Variants in B3GALT1 observed in about 807,000 individuals in gnomAD.
B3GALT1 encodes the protein UDP-Gal:betaGlcNAc beta 1,3-galactosyltransferase, polypeptide 1.
Under a neutral mutation model 23.2 loss-of-function variants are expected in B3GALT1, and 10 were observed. The ratio of observed to expected loss-of-function variants is 0.43; its 90% confidence interval spans 0.27 to 0.73. The LOEUF (loss-of-function observed/expected upper bound fraction) is 0.73, where lower values mean the gene tolerates loss of function less well. Ranked by LOEUF, B3GALT1 falls within the 30% of genes least tolerant of loss-of-function variation. The probability of loss-of-function intolerance (pLI) is 0.21; values close to 1 mark genes in which losing one functional copy is unlikely to be tolerated. For synonymous variants in B3GALT1, 156 were observed against 141.5 expected (o/e 1.10, Z -0.73); for missense variants, 299 against 405.4 (o/e 0.74, Z 2.25).
chr2:167,348,943 T>C (rs1697265717), intron 1 of B3GALT1, among the ~76,000 whole-genome samples: 2 of 152,172 alleles, frequency 1.3e-5, no homozygotes, highest in East Asian at 1.9e-4. Flanking sequence ...TAATCTTTTG[T>C]GTAATTGCAG....
intron 3 of B3GALT1, among the ~76,000 whole-genome samples, chr2:167,663,260 T>G (rs936688666): frequency 6.6e-6 from 1 of 152,098 alleles, no homozygotes; most frequent in Non-Finnish European, 1.5e-5. Flanking sequence ...ATTTCCAATT[T>G]CATCCATGTC....
chr2:167,630,993 A>G (rs1685430036), intron 2 of B3GALT1, among the ~76,000 whole-genome samples: 1 of 129,692 alleles, frequency 7.7e-6, no homozygotes, highest in South Asian at 2.8e-4. Flanking sequence ...TTTTCAGAAG[A>G]GGAACTAGGA....
chr2:167,676,254 C>CT (rs1389333914), intron 3 of B3GALT1, among the ~76,000 whole-genome samples: 1 of 152,016 alleles, frequency 6.6e-6, no homozygotes, highest in Non-Finnish European at 1.5e-5. Context: ...TCATAAATAA[C>CT]TTTTTTATCC....
At chr2:167,660,717 C>A (rs1442978400) in intron 3 of B3GALT1, among the ~76,000 whole-genome samples, 1 of 152,046 alleles carries the variant, frequency 6.6e-6, no homozygotes, top group Non-Finnish European at 1.5e-5. Context: ...TTAGGTAATC[C>A]TCCTTATTTT....
intron 2 of B3GALT1, among the ~76,000 whole-genome samples, chr2:167,598,751 A>G (rs1684825534): frequency 6.6e-6 from 1 of 152,156 alleles, no homozygotes; most frequent in African/African-American, 2.4e-5. Context: ...GGTGTTTGTT[A>G]CATATATAAT....
intron 3 of B3GALT1, among the ~76,000 whole-genome samples, chr2:167,766,510 G>A (rs1224129555): frequency 1.3e-5 from 2 of 152,070 alleles, no homozygotes; most frequent in African/African-American, 2.4e-5. Context: ...TTTATTCCAC[G>A]CCTAAAGAAC....
intron 3 of B3GALT1, among the ~76,000 whole-genome samples, chr2:167,807,279 C>G (rs547192123): frequency 6.6e-6 from 1 of 151,938 alleles, no homozygotes; most frequent in Non-Finnish European, 1.5e-5. Flanking sequence ...CTGGATTCAT[C>G]GAATTTTTGA....
At chr2:167,308,542 C>T (rs957456129) in intron 1 of B3GALT1, among the ~76,000 whole-genome samples, 1 of 152,018 alleles carries the variant, frequency 6.6e-6, no homozygotes, top group African/African-American at 2.4e-5. Flanking sequence ...GTGAAAATCC[C>T]TCCAATAAGA....
chr2:167,778,523 C>G (rs1012183857), intron 3 of B3GALT1, among the ~76,000 whole-genome samples: 1 of 152,082 alleles, frequency 6.6e-6, no homozygotes, highest in Non-Finnish European at 1.5e-5. Flanking sequence ...TAGAGATATA[C>G]CTACAATTAC....
intron 1 of B3GALT1, among the ~76,000 whole-genome samples, chr2:167,468,120 A>G (rs1196993256): frequency 6.6e-6 from 1 of 152,170 alleles, no homozygotes; most frequent in East Asian, 1.9e-4. Context: ...GAGTGATACC[A>G]ATTTTGGAAA....
At chr2:167,331,355 G>GGCA (rs1696970089) in intron 1 of B3GALT1, among the ~76,000 whole-genome samples, 1 of 152,188 alleles carries the variant, frequency 6.6e-6, no homozygotes, top group Non-Finnish European at 1.5e-5. Context: ...TGGGGATGAT[G>GGCA]GCAGCAGTGG....
At chr2:167,426,204 C>T (rs1454700090) in intron 1 of B3GALT1, among the ~76,000 whole-genome samples, 1 of 151,680 alleles carries the variant, frequency 6.6e-6, no homozygotes, top group African/African-American at 2.4e-5. Context: ...AAATTTTGTT[C>T]ATAGTTCATT....
rs780633672 is a variant in B3GALT1 at position 167,580,517 on chromosome 2, A to G, written c.-409-66392A>G. 4.6e-5 allele frequency among the ~76,000 whole-genome samples: 7 copies of G among 152,136 alleles called. No homozygotes were observed. The East Asian group carries it at 7.7e-4, about 17-fold the overall frequency. On this transcript the variant is annotated intron_variant, in intron 2 of 4. Coordinates refer to ENST00000392690, the MANE Select transcript of B3GALT1 (RefSeq NM_020981.4). ...TAAGGAGAAAATCATTTTAGCCCCA[A>G]TGAGAAACTGTATCTAACTTCACAA...
intron 2 of B3GALT1, among the ~76,000 whole-genome samples, chr2:167,634,224 C>A (rs909328562): frequency 6.6e-6 from 1 of 152,106 alleles, no homozygotes; most frequent in African/African-American, 2.4e-5. Context: ...GTTTATATCA[C>A]TAAATGCCCA....
intron 1 of B3GALT1, among the ~76,000 whole-genome samples, chr2:167,397,646 A>G (rs1328825156): frequency 6.6e-6 from 1 of 152,186 alleles, no homozygotes; most frequent in African/African-American, 2.4e-5. Context: ...CGAATTATTA[A>G]GAAATCTATT....
In B3GALT1 at chr2:167,516,774, C is replaced by T. The variant is rs186865866; in HGVS notation, c.-410+26497C>T. On this transcript the variant is annotated intron_variant, in intron 2 of 4. Coordinates refer to ENST00000392690, the MANE Select transcript of B3GALT1 (RefSeq NM_020981.4). ...TTTTTCCTATCATAGCCTTATGAAA[C>T]CAGTACAAACACATGTAATGCTGCA... Among the ~76,000 whole-genome samples the T allele has an allele frequency of 2.3e-3, 354 of 151,996 alleles. 2 individuals carry two copies. The highest frequency in any genetic ancestry group is 4.4e-3 in the Non-Finnish European group (302 of 67,894).
intron 2 of B3GALT1, among the ~76,000 whole-genome samples, chr2:167,553,285 GT>G (rs937279070): frequency 2.0e-5 from 3 of 152,126 alleles, no homozygotes; most frequent in Non-Finnish European, 4.4e-5. Flanking sequence ...TAATAACAAT[GT>G]TTATCTGACA....
chr2:167,547,493 A>G (rs891050652), intron 2 of B3GALT1, among the ~76,000 whole-genome samples: 6 of 152,176 alleles, frequency 3.9e-5, no homozygotes, highest in African/African-American at 1.4e-4. Flanking sequence ...TCAGGAGTTC[A>G]AGACCAGCCT....
chr2:167,521,992 A>G (rs987311750), intron 2 of B3GALT1, among the ~76,000 whole-genome samples: 1,894 of 146,280 alleles, frequency 0.013, 19 homozygotes, highest in Middle Eastern at 0.022. Context: ...GTGTATATAT[A>G]TATATATATA....
Sources: allele counts gnomAD v4.1 joint callset (sites outside exome capture counted in the v4.1 genomes callset), GRCh38; gene constraint gnomAD v4.1.1; transcripts MANE v1.5; gene names NCBI Gene and HGNC (gene_info 2026-07-23, HGNC 2026-07-21).